Variants in NODAL observed in about 807,000 individuals in gnomAD.
NODAL encodes the protein nodal homolog.
In NODAL, 12 loss-of-function variants were observed where a neutral mutation model predicts 34.0. That is an observed-to-expected ratio of 0.35 (90% CI 0.23 to 0.57). The LOEUF (loss-of-function observed/expected upper bound fraction) is 0.57, where lower values mean the gene tolerates loss of function less well. NODAL is among the 20% of genes least tolerant of loss of function. The probability of loss-of-function intolerance (pLI) is 0.83; values close to 1 mark genes in which losing one functional copy is unlikely to be tolerated. For synonymous variants in NODAL, 162 were observed against 186.4 expected (o/e 0.87, Z 1.07); for missense variants, 390 against 444.2 (o/e 0.88, Z 1.10).
At chr10:70,441,124 A>C (rs1845424904) in intron 1 of NODAL, among the ~76,000 whole-genome samples, 1 of 152,252 alleles carries the variant, frequency 6.6e-6, no homozygotes, top group Admixed American at 6.5e-5. Flanking sequence ...GCTCCGGGAT[A>C]AGCAACTTCA....
In NODAL at chr10:70,434,443, A is replaced by T. The variant is rs2231953; in HGVS notation, c.891+843T>A. The stretch of plus-strand genomic sequence containing the variant: ...AATGGCATGATCTCGGCTCACTGCA[A>T]TCTCTGCCTCCCGGGTTCAAGTGAT... On this transcript the variant is annotated intron_variant, in intron 2 of 2. Transcript: ENST00000287139. Among the ~76,000 whole-genome samples the T allele has an allele frequency of 2.8e-3, 419 of 152,228 alleles. 12 individuals are homozygous for T. In the East Asian group the frequency reaches 0.058, roughly 21 times the overall value.
upstream of NODAL, among the ~76,000 whole-genome samples, chr10:70,444,355 G>A (rs1450155073): frequency 1.3e-5 from 2 of 149,552 alleles, no homozygotes; most frequent in African/African-American, 4.9e-5. Flanking sequence ...TTTGAGACAG[G>A]GTTTCACTTT....
upstream of NODAL, among the ~76,000 whole-genome samples, chr10:70,444,329 CTTTTT>C (rs34924993): frequency 4.0e-5 from 5 of 124,158 alleles, no homozygotes; most frequent in Non-Finnish European, 5.3e-5. Context: ...TCCAGTGATA[CTTTTT>C]TTTTTTTTTT....
At chr10:70,445,238 T>A (rs141393741), upstream of NODAL, among the ~76,000 whole-genome samples, 6 of 152,156 alleles carry the variant, frequency 3.9e-5, no homozygotes, top group African/African-American at 1.4e-4. Context: ...AGAAGCTTCT[T>A]TTTTTTAATT....
chr10:70,439,783 A>T (rs1845405706), intron 1 of NODAL, among the ~76,000 whole-genome samples: 1 of 152,240 alleles, frequency 6.6e-6, no homozygotes. Flanking sequence ...GTACACTAAA[A>T]AACAGTGTTT....
intron 2 of NODAL, among the ~76,000 whole-genome samples, chr10:70,433,938 G>A (rs1040957060): frequency 1.3e-5 from 2 of 152,130 alleles, no homozygotes; most frequent in Non-Finnish European, 2.9e-5. Context: ...AGAGTTGGCA[G>A]TTGGGACTGT....
chr10:70,441,505 C>T lies in NODAL; in HGVS notation c.163G>A (p.Ala55Thr), dbSNP rs1373404828. The change falls in exon 1 of 3, where the codon GCA becomes ACA. Residue 55 changes from alanine (A) to threonine (T), a missense_variant. Ala to Thr is a moderately conservative substitution (Grantham distance 58). Coordinates refer to ENST00000287139, the MANE Select transcript of NODAL (RefSeq NM_018055.5). ...LSLYRDPLPRADIIRSLQAED... is the reference protein window; with the variant it reads ...LSLYRDPLPRTDIIRSLQAED... ...GCCTGTAGGCTGCGGATGATGTCTG[C>T]CCTCGGCAGCGGGTCGCGGTAGAGG... The T allele has an allele frequency of 6.3e-7, 1 of 1,593,692 alleles. No homozygotes were observed. The highest frequency in any genetic ancestry group is 8.5e-7 in the Non-Finnish European group (1 of 1,171,532).
intron 1 of NODAL, among the ~76,000 whole-genome samples, chr10:70,440,046 T>C (rs1845408713): frequency 6.6e-6 from 1 of 152,210 alleles, no homozygotes; most frequent in African/African-American, 2.4e-5. Context: ...CACTCCAGCC[T>C]GGGCAACAGA....
intron 1 of NODAL, among the ~76,000 whole-genome samples, chr10:70,447,522 C>A (rs1433173153): frequency 1.3e-5 from 2 of 151,926 alleles, no homozygotes; most frequent in African/African-American, 4.8e-5. Context: ...CCTGTCTCTA[C>A]AAAAAATTTA....
chr10:70,438,374 C>G (rs1013901575), intron 1 of NODAL, among the ~76,000 whole-genome samples: 1 of 152,192 alleles, frequency 6.6e-6, no homozygotes. Flanking sequence ...GCCCCCAAGT[C>G]TCCCCATGAT....
At chr10:70,439,468 C>T (rs1254053718) in intron 1 of NODAL, among the ~76,000 whole-genome samples, 1 of 152,206 alleles carries the variant, frequency 6.6e-6, no homozygotes, top group East Asian at 1.9e-4. Context: ...TCAGTGGCTT[C>T]CCGTGTGCCA....
intron 1 of NODAL, among the ~76,000 whole-genome samples, chr10:70,440,926 C>T (rs143165291): frequency 1.6e-4 from 25 of 152,282 alleles, no homozygotes; most frequent in African/African-American, 5.8e-4. Context: ...GGGACCCATT[C>T]ACCCTCACTC....
chr10:70,444,830 G>A (rs1184814871), upstream of NODAL, among the ~76,000 whole-genome samples: 1 of 152,188 alleles, frequency 6.6e-6, no homozygotes, highest in Non-Finnish European at 1.5e-5. Context: ...ATGCATGCGG[G>A]TATTATTGTG....
chr10:70,444,545 T>C (rs994786731), upstream of NODAL, among the ~76,000 whole-genome samples: 1 of 151,564 alleles, frequency 6.6e-6, no homozygotes, highest in Non-Finnish European at 1.5e-5. Flanking sequence ...AGTTTCACCA[T>C]CTTGGTCTCG....
upstream of NODAL, among the ~76,000 whole-genome samples, chr10:70,442,699 A>G (rs891847812): frequency 6.6e-6 from 1 of 152,162 alleles, no homozygotes; most frequent in African/African-American, 2.4e-5. Flanking sequence ...CTGCTGGCCA[A>G]CACTTACTGA....
In NODAL at chr10:70,441,617, G is replaced by T. The variant is rs369058589; in HGVS notation, c.51C>A (p.Leu17=). 4 of 1,553,194 alleles carry T rather than the reference G, an allele frequency of 2.6e-6. No individual in the cohort carries two copies. The Admixed American group carries it at 5.9e-5, about 23-fold the overall frequency. ...PFLLHAWWAL[L]QAGAATVATA... Reference sequence around the variant, plus strand: ...TGGCCACCGTCGCAGCACCCGCCTGGAGTAGGGCCCACCAGGCGTGCAGAA... The same window carrying T: ...TGGCCACCGTCGCAGCACCCGCCTGTAGTAGGGCCCACCAGGCGTGCAGAA... Residue 17 remains leucine (L), a synonymous_variant, in exon 1 of 3, where the codon CTC becomes CTA. Coordinates refer to ENST00000287139, the MANE Select transcript of NODAL (RefSeq NM_018055.5).
intron 1 of NODAL, among the ~76,000 whole-genome samples, chr10:70,441,056 A>G (rs1433894816): frequency 1.3e-5 from 2 of 152,224 alleles, no homozygotes; most frequent in African/African-American, 4.8e-5. Context: ...CGCGCTTTCC[A>G]CAGTCTGATA....
intron 1 of NODAL, 29 bp from the exon 2 acceptor site, chr10:70,436,012 AG>A (rs1362462372): frequency 6.3e-7 from 1 of 1,585,068 alleles, no homozygotes; most frequent in Non-Finnish European, 8.7e-7. Context: ...AGAAGGAAGG[AG>A]GGTGAGTGAG....
Position 70,435,570 on chromosome 10 carries a change from C to T in NODAL, c.607G>A (p.Glu203Lys), listed in dbSNP as rs10999334. 1.1e-4 allele frequency: 173 copies of T among 1,614,076 alleles called. 2 individuals carry two copies. The East Asian group carries it at 3.2e-3, about 30-fold the overall frequency. The change falls in exon 2 of 3, where the codon GAG becomes AAG. Residue 203 changes from glutamate (E) to lysine (K), a missense_variant. Coordinates refer to ENST00000287139, the MANE Select transcript of NODAL (RefSeq NM_018055.5). Reference protein sequence around the residue: ...LLMLYSNLSQEQRQLGGSTLL... With the variant: ...LLMLYSNLSQKQRQLGGSTLL... ...GTGGACCCACCCAGCTGCCTCTGCT[C>T]CTGCGAGAGGTTGGAGTAGAGCATA...
Sources: gnomAD v4.1 joint callset for allele counts (sites outside exome capture counted in the v4.1 genomes callset) on GRCh38, gnomAD v4.1.1 for gene constraint, MANE v1.5 for transcripts, NCBI Gene and HGNC (gene_info 2026-07-23, HGNC 2026-07-21) for gene names.